Variants in OSBPL3 observed in about 807,000 individuals in gnomAD.
OSBPL3 encodes oxysterol-binding protein-related protein 3.
A neutral mutation model predicts 120.1 loss-of-function variants in OSBPL3; 65 were observed. The ratio of observed to expected loss-of-function variants is 0.54; its 90% CI spans 0.44 to 0.67. The LOEUF (loss-of-function observed/expected upper bound fraction) is 0.67, where lower values mean the gene tolerates loss of function less well. Among genes scored for constraint, OSBPL3 ranks in the 30% least tolerant of loss-of-function variants. The probability of loss-of-function intolerance (pLI) is 0.00; values close to 1 mark genes in which losing one functional copy is unlikely to be tolerated. For synonymous variants in OSBPL3, 416 were observed against 402.6 expected (o/e 1.03, Z -0.40); for missense variants, 1,004 against 1,082.1 (o/e 0.93, Z 1.01).
At chr7:24,950,307 G>A (rs77847991) in intron 1 of OSBPL3, among the ~76,000 whole-genome samples, 1 of 152,162 alleles carries the variant, frequency 6.6e-6, no homozygotes. Context: ...CGAAATGCCT[G>A]TATCAATATT....
In OSBPL3 at chr7:24,898,763, G is replaced by C. The variant is rs1192183962; in HGVS notation, c.-149-6142C>G. Among the ~76,000 whole-genome samples the C allele has an allele frequency of 6.6e-6, 1 of 152,170 alleles. No homozygotes were observed. Among genetic ancestry groups the C allele is most frequent in the African/African-American group, 2.4e-5 (1 of 41,448 alleles). ...ACAAGCGCAATAACACCAGTCATTA[G>C]AATCATGGAGCCTAATAACGAATTC... On this transcript the variant is annotated intron_variant, in intron 1 of 22. Coordinates refer to ENST00000313367, the MANE Select transcript of OSBPL3 (RefSeq NM_015550.4). This position sits in a 1 kb window ranked among gnomAD's most constrained non-coding sequence, Gnocchi z 4.3.
At chr7:24,853,389 T>C (rs952866443) in intron 10 of OSBPL3, among the ~76,000 whole-genome samples, 1 of 152,118 alleles carries the variant, frequency 6.6e-6, no homozygotes, top group African/African-American at 2.4e-5. Flanking sequence ...TGAGCAAACA[T>C]CAGACAACCC....
rs917146949 is a variant in OSBPL3, at chr7:24,891,789, T to G, written c.96+588A>C. On this transcript the variant is annotated intron_variant, in intron 2 of 22. Coordinates refer to ENST00000313367, the MANE Select transcript of OSBPL3 (RefSeq NM_015550.4). This position sits in a 1 kb window ranked among gnomAD's most constrained non-coding sequence, Gnocchi z 4.1. ...TGTTTCAGTTCTTTCTTCCTCCTAC[T>G]TAATTTCTTTGGACCATTTTTCTGT... Among the ~76,000 whole-genome samples, 1 of 152,232 alleles carries G rather than the reference T, an allele frequency of 6.6e-6. No homozygotes were observed. The highest frequency in any genetic ancestry group is 2.4e-5 in the African/African-American group (1 of 41,462).
intron 12 of OSBPL3, among the ~76,000 whole-genome samples, chr7:24,845,437 TTGTGTGTA>T (rs1798315306): frequency 7.1e-6 from 1 of 141,644 alleles, no homozygotes; most frequent in South Asian, 2.4e-4. Flanking sequence ...CTATCTGTAT[TTGTGTGTA>T]TGTGTGTGTG....
rs1799623346 is a variant in OSBPL3 at position 24,854,745 on chromosome 7, A to G, written c.1028-2111T>C. On this transcript the variant is annotated intron_variant, in intron 10 of 22. Transcript: ENST00000313367. The surrounding 1 kb of genome is among the most constrained non-coding windows in gnomAD (Gnocchi z 4.1). ...CCCCACTCCATCACCTATTAACTCCATGACCTTGGATGAGTAAATGATGTG... is the reference window on the plus strand; with the variant it reads ...CCCCACTCCATCACCTATTAACTCCGTGACCTTGGATGAGTAAATGATGTG... Among the ~76,000 whole-genome samples the G allele has an allele frequency of 2.0e-5, 3 of 152,326 alleles. No homozygotes were observed. The East Asian group carries it at 5.8e-4, about 29-fold the overall frequency.
At chr7:24,866,278 T>C (rs763848329) in intron 5 of OSBPL3, 41 bp from the exon 6 acceptor site, 8 of 1,411,484 alleles carry the variant, frequency 5.7e-6, no homozygotes, top group Non-Finnish European at 5.0e-6. Flanking sequence ...AAGAGAATCA[T>C]TCACTGGAAG....
Position 24,842,562 on chromosome 7 carries a change from A to G in OSBPL3, c.1267-149T>C, listed in dbSNP as rs562440541. ...AAGTCAGCTCCAACACTGAGATGCG[A>G]GCCTCATGCAAAACACAAAAGTTCT... On this transcript the variant is annotated intron_variant, in intron 12 of 22. Coordinates refer to ENST00000313367, the MANE Select transcript of OSBPL3 (RefSeq NM_015550.4). The G allele has an allele frequency of 1.3e-5, 8 of 633,210 alleles. No individual in the cohort carries two copies. In the East Asian group the frequency reaches 1.9e-4, roughly 15 times the overall value. 39.2% of individuals were successfully genotyped at this position (633,210 alleles called of 1,614,324 possible). A position where few individuals can be genotyped will look rare whatever the true frequency, so the allele number is the denominator to read the frequency against.
intron 10 of OSBPL3, among the ~76,000 whole-genome samples, chr7:24,857,736 A>C (rs1800013985): frequency 6.6e-6 from 1 of 152,196 alleles, no homozygotes; most frequent in Non-Finnish European, 1.5e-5. Context: ...TGTTGGGAAT[A>C]GGGGGGAAGA....
rs1794644235 is a variant in OSBPL3 at position 24,817,722 on chromosome 7, TAACA to T, written c.1949-1038_1949-1035del. On this transcript the variant is annotated intron_variant, in intron 17 of 22. Transcript: ENST00000313367. This position sits in a 1 kb window ranked among gnomAD's most constrained non-coding sequence, Gnocchi z 4.0. ...GAGGCTACTGCAATTGCCCAGGGGATAACAAACGGGATGAAGGGAACCAAGACAA... is the reference window on the plus strand; with the variant it reads ...GAGGCTACTGCAATTGCCCAGGGGATAACGGGATGAAGGGAACCAAGACAA... Among the ~76,000 whole-genome samples the T allele has an allele frequency of 6.6e-6, 1 of 151,968 alleles. No homozygotes were observed.
intron 1 of OSBPL3, among the ~76,000 whole-genome samples, chr7:24,897,689 C>G (rs969865444): frequency 6.6e-6 from 1 of 152,164 alleles, no homozygotes; most frequent in Non-Finnish European, 1.5e-5. Context: ...ATCCATAATG[C>G]GAGTGTGAAC....
intron 1 of OSBPL3, among the ~76,000 whole-genome samples, chr7:24,909,497 A>G (rs768208418): frequency 1.3e-5 from 2 of 152,238 alleles, no homozygotes; most frequent in Non-Finnish European, 2.9e-5. Flanking sequence ...CCAAGGAATA[A>G]CAATATCTGA....
At chr7:24,814,384 G>A (rs1161391018) in intron 19 of OSBPL3, among the ~76,000 whole-genome samples, 1 of 151,850 alleles carries the variant, frequency 6.6e-6, no homozygotes, top group African/African-American at 2.4e-5. Context: ...GCCACCATAA[G>A]GATGCAGGCT....
intron 1 of OSBPL3, among the ~76,000 whole-genome samples, chr7:24,977,062 ACT>A (rs60112817): frequency 0.024 from 3,715 of 152,188 alleles, 164 homozygotes; most frequent in African/African-American, 0.085. Flanking sequence ...GCAGTTTCTA[ACT>A]CTCTACTCTG....
intron 12 of OSBPL3, among the ~76,000 whole-genome samples, chr7:24,843,975 C>A (rs1323288463): frequency 6.6e-6 from 1 of 152,242 alleles, no homozygotes; most frequent in Non-Finnish European, 1.5e-5. Flanking sequence ...TTACTAGTCA[C>A]TCCTGCCATC....
Position 24,830,239 on chromosome 7 carries a change from C to T in OSBPL3, c.1884+529G>A, listed in dbSNP as rs1006689950. ...AGGGACTCCTGTCCGGACCCCTCAC[C>T]CCCCACCCCACTGCAATATCCTAGC... On this transcript the variant is annotated intron_variant, in intron 16 of 22. Coordinates refer to ENST00000313367, the MANE Select transcript of OSBPL3 (RefSeq NM_015550.4). The surrounding 1 kb of genome is among the most constrained non-coding windows in gnomAD (Gnocchi z 4.4). Among the ~76,000 whole-genome samples, 1 of 152,144 alleles carries T rather than the reference C, an allele frequency of 6.6e-6. No homozygotes were observed. The highest frequency in any genetic ancestry group is 1.5e-5 in the Non-Finnish European group (1 of 68,026).
intron 1 of OSBPL3, among the ~76,000 whole-genome samples, chr7:24,904,918 G>GGTGTGTGTGT (rs67222925): frequency 0.025 from 3,318 of 132,886 alleles, 68 homozygotes; most frequent in South Asian, 0.047. Context: ...ATAATATACA[G>GGTGTGTGTGT]GTGTGTGTGT....
At chr7:24,825,363 A>G (rs1562781127) in intron 16 of OSBPL3, among the ~76,000 whole-genome samples, 1 of 152,222 alleles carries the variant, frequency 6.6e-6, no homozygotes, top group Non-Finnish European at 1.5e-5. Flanking sequence ...AGAGCTATTA[A>G]GGATGATGCC....
At chr7:24,847,809 G>T (rs759934720) in intron 12 of OSBPL3, among the ~76,000 whole-genome samples, 15 of 152,202 alleles carry the variant, frequency 9.9e-5, no homozygotes, top group African/African-American at 3.6e-4. Flanking sequence ...CCTGTTTTTA[G>T]CCAATGTGCA....
In OSBPL3 at chr7:24,946,049, T is replaced by C. The variant is rs548417607; in HGVS notation, c.-150+33837A>G. ...GATGCCAGGTGGGGCTGGAGCTAGGTGGGGCTAGAGTCATCTGAAGGCTCA... is the reference window on the plus strand; with the variant it reads ...GATGCCAGGTGGGGCTGGAGCTAGGCGGGGCTAGAGTCATCTGAAGGCTCA... On this transcript the variant is annotated intron_variant, in intron 1 of 22. Transcript: ENST00000313367. This position sits in a 1 kb window ranked among gnomAD's most constrained non-coding sequence, Gnocchi z 4.3. Among the ~76,000 whole-genome samples the C allele has an allele frequency of 5.3e-5, 8 of 152,224 alleles. No homozygotes were observed. The highest frequency in any genetic ancestry group is 2.1e-4 in the South Asian group (1 of 4,822).
Sources: gnomAD v4.1 joint callset for allele counts (sites outside exome capture counted in the v4.1 genomes callset) on GRCh38, gnomAD v4.1.1 for gene constraint, Gnocchi (gnomAD v3.1) non-coding constraint, MANE v1.5 for transcripts, NCBI Gene and HGNC (gene_info 2026-07-23, HGNC 2026-07-21) for gene names.